DTNA: variants seen among roughly 807,000 people sequenced by gnomAD.
The protein encoded by DTNA is dystrophin-related protein 3.
A neutral mutation model predicts 100.7 loss-of-function variants in DTNA; 43 were observed. The ratio of observed to expected loss-of-function variants is 0.43; its 90% confidence interval spans 0.33 to 0.55. The LOEUF is 0.55. DTNA is among the 20% of genes least tolerant of loss of function. The probability of loss-of-function intolerance (pLI) is 0.04; values close to 1 mark genes in which losing one functional copy is unlikely to be tolerated. For synonymous variants in DTNA, 349 were observed against 347.9 expected (o/e 1.00, Z -0.04); for missense variants, 798 against 953.9 (o/e 0.84, Z 2.15).
In DTNA at chr18:34,887,886, A is replaced by C; in HGVS notation, c.*152A>C. On this transcript the variant is annotated 3_prime_UTR_variant, in exon 23 of 23. Transcript: ENST00000444659. ...AGCAGCCTCACCGAAGAGAGGAACC[A>C]CCACACCCAGCAGCTCCTGACAGAC... 1.0e-6 allele frequency: 1 copy of C among 986,972 alleles called. No individual in the cohort carries two copies. The highest frequency in any genetic ancestry group is 1.2e-6 in the Non-Finnish European group (1 of 830,386). 61.1% of individuals were successfully genotyped at this position (986,972 alleles called of 1,614,324 possible).
Position 34,811,950 on chromosome 18 carries a change from T to C in DTNA, c.449-9T>C. 6.2e-7 allele frequency: 1 copy of C among 1,613,926 alleles called. No individual in the cohort carries two copies. The highest frequency in any genetic ancestry group is 8.5e-7 in the Non-Finnish European group (1 of 1,179,848). ...TGATGAATAATATCTTTCCTTTTCC[T>C]TTCATCAGATATTTTCTCAATGATT... On this transcript the variant is annotated splice_polypyrimidine_tract_variant and intron_variant, in intron 5 of 22. Transcript: ENST00000444659.
rs967658558 is a variant in DTNA, at chr18:34,888,527, T to C, written c.*793T>C. The C allele has an allele frequency of 3.0e-6, 3 of 985,750 alleles. No individual in the cohort carries two copies. In the South Asian group the frequency reaches 1.4e-4, roughly 46 times the overall value. 61.1% of individuals were successfully genotyped at this position (985,750 alleles called of 1,614,324 possible). On this transcript the variant is annotated 3_prime_UTR_variant, in exon 23 of 23. Coordinates refer to ENST00000444659, the MANE Select transcript of DTNA (RefSeq NM_001386795.1). ...AATCAGCCATAGAATTTAGTGTAAATATTTTTTTTTCCAAATAGATATCAT... is the reference window on the plus strand; with the variant it reads ...AATCAGCCATAGAATTTAGTGTAAACATTTTTTTTTCCAAATAGATATCAT...
At chr18:34,790,350 A>T (rs1163921476) in intron 3 of DTNA, among the ~76,000 whole-genome samples, 1 of 148,082 alleles carries the variant, frequency 6.8e-6, no homozygotes, top group African/African-American at 2.5e-5. Context: ...CAAGGGGTAT[A>T]AAACCCGGAG....
intron 2 of DTNA, among the ~76,000 whole-genome samples, chr18:34,763,952 C>T (rs1227133339): frequency 2.6e-5 from 4 of 152,222 alleles, no homozygotes; most frequent in Admixed American, 6.5e-5. Context: ...GACTGTTGCA[C>T]ATAATTTTCA....
rs551788826 is a variant in DTNA at position 34,891,564 on chromosome 18, G to A, written c.*3830G>A. The A allele has an allele frequency of 6.6e-6, 1 of 152,082 alleles. No individual in the cohort carries two copies. Among genetic ancestry groups the A allele is most frequent in the South Asian group, 2.1e-4 (1 of 4,798 alleles). 9.4% of individuals were successfully genotyped at this position (152,082 alleles called of 1,614,324 possible). A position where few individuals can be genotyped will look rare whatever the true frequency, so the allele number is the denominator to read the frequency against. On this transcript the variant is annotated 3_prime_UTR_variant, in exon 23 of 23. Transcript: ENST00000444659. Reference sequence around the variant, plus strand: ...AATAGCTCACCTTCTCTTGCCTTGGGGGATGCATGGTTTTTACCATTCTAC... The same window carrying A: ...AATAGCTCACCTTCTCTTGCCTTGGAGGATGCATGGTTTTTACCATTCTAC...
intron 2 of DTNA, 72 bp downstream of exon 2, chr18:34,756,115 T>C: frequency 6.7e-7 from 1 of 1,489,994 alleles, no homozygotes; most frequent in Non-Finnish European, 9.3e-7. Flanking sequence ...GAAATAACCA[T>C]TTATCTTTAT....
Position 34,891,001 on chromosome 18 carries a change from G to C in DTNA, c.*3267G>C, listed in dbSNP as rs1027845729. On this transcript the variant is annotated 3_prime_UTR_variant, in exon 23 of 23. Coordinates refer to ENST00000444659, the MANE Select transcript of DTNA (RefSeq NM_001386795.1). Reference sequence around the variant, plus strand: ...TTGGTTGCTGCATTCCCCTTGGTTCGATTCCACGCAAGGAGCCACAAGTGA... The same window carrying C: ...TTGGTTGCTGCATTCCCCTTGGTTCCATTCCACGCAAGGAGCCACAAGTGA... 2 of 152,482 alleles carry C rather than the reference G, an allele frequency of 1.3e-5. No homozygotes were observed. The highest frequency in any genetic ancestry group is 4.8e-5 in the African/African-American group (2 of 41,346). The allele number at this position is 152,482 out of a possible 1,614,324, so 9.4% of individuals were successfully genotyped here. A position where few individuals can be genotyped will look rare whatever the true frequency, so the allele number is the denominator to read the frequency against.
chr18:34,550,263 GTCAACATTTTTCATACAC>G (rs2145915108), intron 1 of DTNA, among the ~76,000 whole-genome samples: 1 of 152,204 alleles, frequency 6.6e-6, no homozygotes, highest in South Asian at 2.1e-4. Flanking sequence ...CGATCCTTCT[GTCAACATTTTTCATACAC>G]TATTTTCTAA....
At chr18:34,646,770 C>T (rs191091020) in intron 1 of DTNA, among the ~76,000 whole-genome samples, 16 of 152,132 alleles carry the variant, frequency 1.1e-4, no homozygotes, top group Admixed American at 3.3e-4. Flanking sequence ...TGCAGTGGCG[C>T]GATCTTGGCT....
intron 3 of DTNA, among the ~76,000 whole-genome samples, chr18:34,779,680 A>G (rs2148779323): frequency 6.6e-6 from 1 of 152,272 alleles, no homozygotes; most frequent in East Asian, 1.9e-4. Flanking sequence ...TCCCCCAATA[A>G]TAACAACAAC....
chr18:34,882,310 T>C, intron 21 of DTNA, 109 bp downstream of exon 21: 1 of 1,419,842 alleles, frequency 7.0e-7, no homozygotes, highest in Admixed American at 2.1e-5. Flanking sequence ...CCACCCTCCC[T>C]TTTCAAAATA....
intron 1 of DTNA, among the ~76,000 whole-genome samples, chr18:34,605,920 G>A (rs2052997490): frequency 6.6e-6 from 1 of 152,036 alleles, no homozygotes; most frequent in African/African-American, 2.4e-5. Context: ...ATTGATAAGT[G>A]GGTGATTTGG....
chr18:34,613,026 A>G (rs773741509), intron 1 of DTNA, among the ~76,000 whole-genome samples: 28 of 152,328 alleles, frequency 1.8e-4, no homozygotes, highest in Middle Eastern at 3.4e-3. Context: ...GCCTCAAGCA[A>G]GTCTATCTGC....
intron 17 of DTNA, chr18:34,866,132 G>A: frequency 6.2e-7 from 1 of 1,614,176 alleles, no homozygotes; most frequent in Non-Finnish European, 8.5e-7. Flanking sequence ...GAAGCAGGGA[G>A]TAAGTTATGT....
At chr18:34,610,505 A>G (rs2054014983) in intron 1 of DTNA, among the ~76,000 whole-genome samples, 1 of 152,170 alleles carries the variant, frequency 6.6e-6, no homozygotes, top group Non-Finnish European at 1.5e-5. Flanking sequence ...GTATATTGTC[A>G]ACTTATCTTT....
intron 4 of DTNA, 62 bp downstream of exon 4, chr18:34,794,312 T>C: frequency 2.5e-6 from 4 of 1,597,494 alleles, no homozygotes; most frequent in Non-Finnish European, 1.7e-6. Context: ...CTGTCTTACT[T>C]GGTCTTTTTC....
chr18:34,687,994 A>T (rs913233114), intron 1 of DTNA, among the ~76,000 whole-genome samples: 1 of 151,264 alleles, frequency 6.6e-6, no homozygotes, highest in African/African-American at 2.4e-5. Flanking sequence ...TGTTTGCTTG[A>T]TAAGTCTTCC....
At chr18:34,813,577 G>C (rs375694437) in intron 6 of DTNA, among the ~76,000 whole-genome samples, 1 of 151,910 alleles carries the variant, frequency 6.6e-6, no homozygotes, top group Middle Eastern at 3.2e-3. Flanking sequence ...TCAATAGGCC[G>C]GGTGAGGTGG....
intron 3 of DTNA, among the ~76,000 whole-genome samples, chr18:34,783,928 C>T (rs1183339390): frequency 1.3e-5 from 2 of 152,160 alleles, no homozygotes; most frequent in Non-Finnish European, 2.9e-5. Context: ...CCACAGTGCT[C>T]CCAGGAAATT....
Sources: allele counts gnomAD v4.1 joint callset (sites outside exome capture counted in the v4.1 genomes callset), GRCh38; gene constraint gnomAD v4.1.1; transcripts MANE v1.5; gene names NCBI Gene and HGNC (gene_info 2026-07-23, HGNC 2026-07-21).